The following CSTF3 variants were observed in gnomAD, a reference collection of about 807,000 sequenced individuals.
CSTF3 encodes cleavage stimulation factor subunit 3, also known as CF-1 77 kDa subunit.
CSTF3 carries 29 observed loss-of-function variants against 105.8 expected under a neutral mutation model. That is an observed-to-expected ratio of 0.27 (90% confidence interval 0.20 to 0.37). The LOEUF (loss-of-function observed/expected upper bound fraction) is 0.37, where lower values mean the gene tolerates loss of function less well. Ranked by LOEUF, CSTF3 falls within the 10% of genes least tolerant of loss-of-function variation. CSTF3 has a pLI of 1.00. For synonymous variants in CSTF3, 252 were observed against 281.9 expected (o/e 0.89, Z 1.06); for missense variants, 357 against 879.3 (o/e 0.41, Z 7.51).
chr11:33,112,392 A>G (rs1689932503), intron 3 of CSTF3, among the ~76,000 whole-genome samples: 1 of 152,208 alleles, frequency 6.6e-6, no homozygotes, highest in Non-Finnish European at 1.5e-5. Flanking sequence ...GGGAATGATA[A>G]TAACATCCAT....
At chr11:33,158,805 C>T (rs1849898948) in intron 1 of CSTF3, among the ~76,000 whole-genome samples, 1 of 152,114 alleles carries the variant, frequency 6.6e-6, no homozygotes, top group African/African-American at 2.4e-5. Flanking sequence ...TAAATGACAT[C>T]ATCAACCCCC....
rs1254027236 is a variant in CSTF3 at position 33,122,928 on chromosome 11, AAAAAAAGAAAAG to A, written c.226-14522_226-14511del. ...ATATCCTGTCTCAAAAAAAAAAAAA[AAAAAAAGAAAAG>A]AAAAAAGAAAAGAAAAGTATGTAAA... On this transcript the variant is annotated intron_variant, in intron 3 of 20. Transcript: ENST00000323959. Among the ~76,000 whole-genome samples, 736 of 150,556 alleles carry A rather than the reference AAAAAAAGAAAAG, an allele frequency of 4.9e-3. 11 individuals carry two copies. The highest frequency in any genetic ancestry group is 0.017 in the African/African-American group (698 of 40,710).
chr11:33,105,016 T>C (rs1855314150), intron 8 of CSTF3, among the ~76,000 whole-genome samples: 1 of 152,220 alleles, frequency 6.6e-6, no homozygotes. Flanking sequence ...CCCAAAGTGC[T>C]GGGATTACAA....
At chr11:33,097,167 T>C (rs2133772901) in intron 13 of CSTF3, among the ~76,000 whole-genome samples, 189 bp from the exon 14 acceptor site, 1 of 152,338 alleles carries the variant, frequency 6.6e-6, no homozygotes. Context: ...GAGACATAAT[T>C]CACATAGCAC....
intron 3 of CSTF3, chr11:33,141,450 ATGT>A (rs1468788792): frequency 6.1e-6 from 8 of 1,302,176 alleles, no homozygotes; most frequent in Non-Finnish European, 7.8e-6. Context: ...AACTGTTTTA[ATGT>A]TGTTGCAACT....
At position 33,087,055 on chromosome 11, in the gene CSTF3, A is replaced by G. The variant is rs377006746; in HGVS notation, c.1728T>C (p.Asp576=). 5.6e-6 allele frequency: 9 copies of G among 1,614,042 alleles called. No individual in the cohort carries two copies. Among genetic ancestry groups the G allele is most frequent in the Middle Eastern group, 1.6e-4 (1 of 6,084 alleles). The part of the protein sequence containing the change: ...SIVPVLKDEV[D]RKPEYPKPDT... ...CTGGTTTAGGGTATTCTGGTTTTCT[A>G]TCCACTTCATCTTTCAGAACAGGCA... is the stretch of plus-strand genomic sequence containing the variant. Residue 576 remains aspartate, a synonymous_variant, in exon 18 of 21, where the codon GAT becomes GAC. Transcript: ENST00000323959.
rs1157485389 is a variant in CSTF3, at chr11:33,090,085, A to G, written c.1641+447T>C. 2.6e-5 allele frequency among the ~76,000 whole-genome samples: 4 copies of G among 152,232 alleles called. No homozygotes were observed. In the East Asian group the frequency reaches 5.8e-4, roughly 22 times the overall value. ...ATCCCTCAAGGAACTTTATGGATTT[A>G]ACAAGCTGTAATATTTCTTCATTAT... On this transcript the variant is annotated intron_variant, in intron 17 of 20. Coordinates refer to ENST00000323959, the MANE Select transcript of CSTF3 (RefSeq NM_001326.3).
chr11:33,157,131 T>C (rs1849877016), intron 1 of CSTF3, among the ~76,000 whole-genome samples: 1 of 152,028 alleles, frequency 6.6e-6, no homozygotes, highest in African/African-American at 2.4e-5. Flanking sequence ...GGCAGGCAGA[T>C]CACTTGAGGT....
chr11:33,121,225 G>A (rs989904479), intron 3 of CSTF3, among the ~76,000 whole-genome samples: 17 of 152,116 alleles, frequency 1.1e-4, no homozygotes, highest in African/African-American at 4.1e-4. Flanking sequence ...TAAATATTAA[G>A]TTCCAGGAGA....
At chr11:33,122,320 CT>C (rs1480246087) in intron 3 of CSTF3, among the ~76,000 whole-genome samples, 2 of 152,098 alleles carry the variant, frequency 1.3e-5, no homozygotes, top group Admixed American at 1.3e-4. Context: ...TTTGATATCT[CT>C]ATATACATGA....
chr11:33,130,070 C>T (rs1222185067), intron 3 of CSTF3, among the ~76,000 whole-genome samples: 1 of 152,174 alleles, frequency 6.6e-6, no homozygotes, highest in Non-Finnish European at 1.5e-5. Context: ...TTCCCATTAA[C>T]TAGAAAAGTC....
At chr11:33,102,799 A>T (rs1855292533) in intron 9 of CSTF3, among the ~76,000 whole-genome samples, 1 of 152,214 alleles carries the variant, frequency 6.6e-6, no homozygotes, top group African/African-American at 2.4e-5. Context: ...GAGTAATACA[A>T]TATTCAGATG....
intron 3 of CSTF3, among the ~76,000 whole-genome samples, chr11:33,127,801 C>T (rs527815463): frequency 2.9e-4 from 44 of 152,244 alleles, no homozygotes; most frequent in Admixed American, 5.9e-4. Flanking sequence ...GACATCAAAA[C>T]ATTTTACAGG....
intron 1 of CSTF3, among the ~76,000 whole-genome samples, chr11:33,158,799 T>C (rs991249822): frequency 1.3e-5 from 2 of 152,282 alleles, no homozygotes; most frequent in East Asian, 3.9e-4. Context: ...ACAAGTTAAA[T>C]GACATCATCA....
At chr11:33,105,800 G>T in intron 7 of CSTF3, 83 bp downstream of exon 7, 1 of 1,508,110 alleles carries the variant, frequency 6.6e-7, no homozygotes, top group Non-Finnish European at 9.0e-7. Context: ...ATGGAAAATA[G>T]TATGGAGATT....
rs532451178 is a variant in CSTF3 at position 33,094,929 on chromosome 11, G to C, written c.1375+1377C>G. Among the ~76,000 whole-genome samples the C allele has an allele frequency of 2.0e-5, 3 of 151,480 alleles. No homozygotes were observed. In the East Asian group the frequency reaches 5.8e-4, roughly 29 times the overall value. On this transcript the variant is annotated intron_variant, in intron 15 of 20. Transcript: ENST00000323959. ...TATTATTTTTTTGAGGCAGAGTTTC[G>C]CTCTTGTTGCCCAGGCTGGAGTACA...
chr11:33,156,891 C>A (rs1008321489), intron 1 of CSTF3: 18 of 307,686 alleles, frequency 5.9e-5, no homozygotes, highest in Non-Finnish European at 1.1e-4. Context: ...AATATTATTT[C>A]TTAGGTCTTT....
chr11:33,095,626 C>A (rs1396472419), intron 15 of CSTF3, among the ~76,000 whole-genome samples: 1 of 151,468 alleles, frequency 6.6e-6, no homozygotes, highest in Non-Finnish European at 1.5e-5. Flanking sequence ...TCGAGACCAT[C>A]CTGGCTAACA....
At chr11:33,155,249 C>T (rs1967061) in intron 1 of CSTF3, among the ~76,000 whole-genome samples, 2 of 151,496 alleles carry the variant, frequency 1.3e-5, no homozygotes, top group Admixed American at 1.3e-4. Context: ...CTATAGTCCC[C>T]GCTACTAGGG....
Sources: gnomAD v4.1 joint callset for allele counts (sites outside exome capture counted in the v4.1 genomes callset) on GRCh38, gnomAD v4.1.1 for gene constraint, MANE v1.5 for transcripts, NCBI Gene and HGNC (gene_info 2026-07-23, HGNC 2026-07-21) for gene names.